The following KLRG1 variants were observed in gnomAD, a reference collection of about 807,000 sequenced individuals.
KLRG1 encodes the protein killer cell lectin like receptor G1.
KLRG1 carries 16 observed loss-of-function variants against 21.8 expected under a neutral mutation model. The observed-to-expected ratio is 0.73, with a 90% CI of 0.50 to 1.11. KLRG1 has a LOEUF of 1.11. Ranked by LOEUF, KLRG1 falls within the 50% of genes most tolerant of loss-of-function variation. The pLI is 0.00. For missense variants in KLRG1, 173 were observed against 218.3 expected (o/e 0.79, Z 1.31); for synonymous variants, 69 against 75.9 (o/e 0.91, Z 0.47).
At chr12:9,080,872 TA>T in the KLRG1 span, among the ~76,000 whole-genome samples, 3 of 151,786 alleles carry the variant, frequency 2.0e-5, no homozygotes, top group East Asian at 1.9e-4. Flanking sequence ...AAATGTTTCT[TA>T]AAAAAAAGCC....
the KLRG1 span, among the ~76,000 whole-genome samples, chr12:9,199,744 T>G: frequency 6.6e-6 from 1 of 152,060 alleles, no homozygotes; most frequent in Non-Finnish European, 1.5e-5. Flanking sequence ...AAAACTACTG[T>G]AGAGGAGGAA....
At chr12:9,023,805 C>T in the KLRG1 span, among the ~76,000 whole-genome samples, 3 of 151,948 alleles carry the variant, frequency 2.0e-5, no homozygotes, top group African/African-American at 7.3e-5. Context: ...ATCCTCTAGT[C>T]TTGGCCTCCT....
At chr12:9,169,081 C>A in the KLRG1 span, 96 of 751,490 alleles carry the variant, frequency 1.3e-4, no homozygotes, top group African/African-American at 1.6e-3. Context: ...TATATTAATT[C>A]TATGGCGAAA....
chr12:8,955,021 A>G (rs1278647792), intron 1 of KLRG1, among the ~76,000 whole-genome samples: 1 of 151,662 alleles, frequency 6.6e-6, no homozygotes, highest in Non-Finnish European at 1.5e-5. Context: ...GGTTCAAGCT[A>G]TTCTTCTGCC....
intron 1 of KLRG1, among the ~76,000 whole-genome samples, chr12:8,957,623 G>A (rs1209373121): frequency 2.0e-5 from 3 of 152,068 alleles, no homozygotes; most frequent in African/African-American, 7.2e-5. Flanking sequence ...TGGCATGTCT[G>A]CATAGCCAGC....
At chr12:8,969,717 C>G (rs1946536839) in intron 1 of KLRG1, among the ~76,000 whole-genome samples, 1 of 151,936 alleles carries the variant, frequency 6.6e-6, no homozygotes, top group Admixed American at 6.6e-5. Context: ...TTAAAGTGAT[C>G]AATAAAATTG....
chr12:9,070,603 T>A, the KLRG1 span: 3 of 1,541,206 alleles, frequency 1.9e-6, no homozygotes, highest in Non-Finnish European at 2.7e-6. Flanking sequence ...GAGGAAAGGA[T>A]TAGGGTTTTC....
At chr12:9,002,984 T>C (rs762673560) in intron 3 of KLRG1, among the ~76,000 whole-genome samples, 2 of 152,020 alleles carry the variant, frequency 1.3e-5, no homozygotes, top group South Asian at 4.2e-4. Context: ...TATTGTACTA[T>C]GGTTTTGAAG....
At chr12:9,034,714 T>C in the KLRG1 span, among the ~76,000 whole-genome samples, 1 of 152,250 alleles carries the variant, frequency 6.6e-6, no homozygotes, top group African/African-American at 2.4e-5. Flanking sequence ...CCCAAAGTGT[T>C]GGGATTACAG....
At chr12:9,202,515 C>T in the KLRG1 span, 5 of 1,613,550 alleles carry the variant, frequency 3.1e-6, no homozygotes, top group Non-Finnish European at 4.2e-6. Flanking sequence ...AGTGGAATTT[C>T]CCTACTTACC....
the KLRG1 span, among the ~76,000 whole-genome samples, chr12:9,189,887 A>G: frequency 6.6e-6 from 1 of 152,346 alleles, no homozygotes; most frequent in African/African-American, 2.4e-5. Flanking sequence ...AAGCCAATGA[A>G]AAAAAGCTCA....
chr12:9,131,019 A>G, the KLRG1 span, among the ~76,000 whole-genome samples: 1 of 152,182 alleles, frequency 6.6e-6, no homozygotes, highest in Non-Finnish European at 1.5e-5. Flanking sequence ...ATTGTTCCCA[A>G]CACCGTTTGT....
At chr12:9,160,106 C>A in the KLRG1 span, 1 of 1,344,370 alleles carries the variant, frequency 7.4e-7, no homozygotes, top group Non-Finnish European at 1.1e-6. Context: ...TGCATCCAGG[C>A]GCCATGGACA....
chr12:9,150,308 A>G, the KLRG1 span, among the ~76,000 whole-genome samples: 4 of 151,966 alleles, frequency 2.6e-5, no homozygotes, highest in Non-Finnish European at 5.9e-5. Context: ...TTTGAGACGG[A>G]GTCTCGCACC....
the KLRG1 span, among the ~76,000 whole-genome samples, chr12:9,083,807 C>T: frequency 6.7e-6 from 1 of 148,860 alleles, no homozygotes; most frequent in Non-Finnish European, 1.5e-5. Context: ...GGGATAGATG[C>T]TAGCATCCAA....
At chr12:9,037,620 C>T in the KLRG1 span, among the ~76,000 whole-genome samples, 1 of 152,210 alleles carries the variant, frequency 6.6e-6, no homozygotes, top group Non-Finnish European at 1.5e-5. Flanking sequence ...CATTCACTCA[C>T]CACTCACTGA....
the KLRG1 span, chr12:9,077,287 G>A: frequency 2.8e-6 from 4 of 1,452,406 alleles, no homozygotes; most frequent in Non-Finnish European, 3.8e-6. Context: ...CAGACAGCAG[G>A]TCAGCAGTTT....
chr12:9,152,245 A>G, the KLRG1 span: 2 of 1,611,448 alleles, frequency 1.2e-6, no homozygotes, highest in East Asian at 2.2e-5. Flanking sequence ...TTTCAGGGGA[A>G]TAAAACCAGA....
Position 9,009,634 on chromosome 12 carries a change from A to T in KLRG1, c.*97A>T. ...TTGGGAAAGCCATGAGTATATAGTT[A>T]GCAAATACTGAACTTTCTCAGATAT... On this transcript the variant is annotated 3_prime_UTR_variant, in exon 5 of 5. Transcript: ENST00000356986. 1.1e-5 allele frequency: 17 copies of T among 1,505,322 alleles called. No homozygotes were observed. The highest frequency in any genetic ancestry group is 1.5e-5 in the Non-Finnish European group (17 of 1,131,616). The allele number at this position is 1,505,322 out of a possible 1,614,324, so 93.2% of individuals were successfully genotyped here.
Sources: allele counts gnomAD v4.1 joint callset (sites outside exome capture counted in the v4.1 genomes callset), GRCh38; gene constraint gnomAD v4.1.1; transcripts MANE v1.5; gene names NCBI Gene and HGNC (gene_info 2026-07-23, HGNC 2026-07-21).